The following LINGO2 variants were observed in gnomAD, a reference collection of about 807,000 sequenced individuals.
LINGO2 encodes leucine rich repeat and Ig domain containing 2, also known as leucine-rich repeat and immunoglobulin-like domain-containing nogo receptor-interacting protein 2.
A neutral mutation model predicts 30.6 loss-of-function variants in LINGO2; 14 were observed. The observed-to-expected ratio is 0.46, with a 90% CI of 0.30 to 0.72. The LOEUF (loss-of-function observed/expected upper bound fraction) is 0.72. Among genes scored for constraint, LINGO2 ranks in the 30% least tolerant of loss-of-function variants. The probability of loss-of-function intolerance (pLI) is 0.07; values close to 1 mark genes in which losing one functional copy is unlikely to be tolerated. For synonymous variants in LINGO2, 317 were observed against 288.5 expected, an observed-to-expected ratio of 1.10 and a Z score of -1.00; for missense variants, 729 against 751.7, an observed-to-expected ratio of 0.97 and a Z score of 0.35.
chr9:28,476,526 C>T (rs7874147), intron 1 of LINGO2, among the ~76,000 whole-genome samples: 4,636 of 152,218 alleles, frequency 0.03, 170 homozygotes, highest in East Asian at 0.097. Context: ...CCTCCCGCCG[C>T]GGCCTCCCAA....
chr9:29,153,351 T>C, the LINGO2 span, among the ~76,000 whole-genome samples: 3 of 152,160 alleles, frequency 2.0e-5, no homozygotes, highest in Admixed American at 2.0e-4. Flanking sequence ...AAAGGTAACA[T>C]GACTCATTCC....
At chr9:28,448,674 T>C (rs1016384951) in intron 2 of LINGO2, among the ~76,000 whole-genome samples, 3 of 151,784 alleles carry the variant, frequency 2.0e-5, no homozygotes, top group Non-Finnish European at 4.4e-5. Flanking sequence ...GCTATGGAAA[T>C]TGAAAAGAAA....
the LINGO2 span, among the ~76,000 whole-genome samples, chr9:29,060,055 G>C: frequency 3.9e-5 from 6 of 151,990 alleles, no homozygotes; most frequent in African/African-American, 7.2e-5. Flanking sequence ...ATTGTGGAGA[G>C]GAATCTAAAC....
the LINGO2 span, among the ~76,000 whole-genome samples, chr9:28,890,004 G>T: frequency 0.049 from 7,402 of 152,022 alleles, 247 homozygotes; most frequent in East Asian, 0.12. Context: ...CACACACAGG[G>T]TCTCTGTCCA....
chr9:28,848,070 A>G, the LINGO2 span, among the ~76,000 whole-genome samples: 2 of 27,988 alleles, frequency 7.1e-5, 1 homozygote, highest in African/African-American at 5.4e-4. Flanking sequence ...TATGTATATA[A>G]TATATATATA....
chr9:28,975,750 G>C, the LINGO2 span, among the ~76,000 whole-genome samples: 1 of 152,138 alleles, frequency 6.6e-6, no homozygotes, highest in African/African-American at 2.4e-5. Context: ...GGAAACTCTA[G>C]TGTCCTATGG....
chr9:28,871,983 G>A, the LINGO2 span, among the ~76,000 whole-genome samples: 1 of 151,904 alleles, frequency 6.6e-6, no homozygotes, highest in Non-Finnish European at 1.5e-5. Flanking sequence ...TTTTACTTGA[G>A]GGGAGTGTCA....
Position 28,315,143 on chromosome 9 carries a change from G to A in LINGO2, c.-245-19777C>T, listed in dbSNP as rs180763292. On this transcript the variant is annotated intron_variant, in intron 3 of 5. Coordinates refer to ENST00000379992, the Ensembl canonical transcript of LINGO2. ...GATGGATAAAAAAAGAGACACACTCGCCTGTAATCCCAGCACTCTGGGAAG... is the reference window on the plus strand; with the variant it reads ...GATGGATAAAAAAAGAGACACACTCACCTGTAATCCCAGCACTCTGGGAAG... 4.6e-3 allele frequency among the ~76,000 whole-genome samples: 690 copies of A among 150,428 alleles called. 3 individuals carry two copies. The highest frequency in any genetic ancestry group is 0.016 in the African/African-American group (649 of 39,904).
intron 4 of LINGO2, among the ~76,000 whole-genome samples, chr9:28,193,219 C>T (rs970850547): frequency 1.3e-5 from 2 of 151,924 alleles, no homozygotes; most frequent in Non-Finnish European, 2.9e-5. Flanking sequence ...TTGAATAGTC[C>T]CCTTCCTTCT....
At chr9:28,905,465 T>A in the LINGO2 span, among the ~76,000 whole-genome samples, 1 of 151,736 alleles carries the variant, frequency 6.6e-6, no homozygotes, top group Non-Finnish European at 1.5e-5. Context: ...AAAAATAATG[T>A]GACTAAAAAT....
At chr9:28,135,639 C>T (rs957373840) in intron 4 of LINGO2, among the ~76,000 whole-genome samples, 1 of 151,954 alleles carries the variant, frequency 6.6e-6, no homozygotes, top group African/African-American at 2.4e-5. Context: ...CTGTATTACT[C>T]CCACTCCTTT....
At chr9:28,276,320 TTTTC>T (rs1371949313) in intron 4 of LINGO2, among the ~76,000 whole-genome samples, 1 of 152,182 alleles carries the variant, frequency 6.6e-6, no homozygotes, top group Non-Finnish European at 1.5e-5. Flanking sequence ...ACACATATTT[TTTTC>T]TTTGTCTTCT....
At chr9:28,458,207 G>C (rs937152264) in intron 2 of LINGO2, among the ~76,000 whole-genome samples, 1 of 152,114 alleles carries the variant, frequency 6.6e-6, no homozygotes, top group Admixed American at 6.5e-5. Flanking sequence ...CAATTTGTCA[G>C]AAATCATTCT....
At chr9:28,760,916 G>A in the LINGO2 span, among the ~76,000 whole-genome samples, 6 of 51,422 alleles carry the variant, frequency 1.2e-4, no homozygotes, top group Admixed American at 4.2e-4. Flanking sequence ...ATATACGTAC[G>A]TGTGTGTGTG....
the LINGO2 span, among the ~76,000 whole-genome samples, chr9:28,928,635 G>C: frequency 6.6e-6 from 1 of 152,074 alleles, no homozygotes; most frequent in Non-Finnish European, 1.5e-5. Context: ...GTTTTGCTTT[G>C]GCCAGGACAT....
chr9:28,193,029 C>T (rs1031728201), intron 4 of LINGO2, among the ~76,000 whole-genome samples: 1 of 152,088 alleles, frequency 6.6e-6, no homozygotes, highest in Non-Finnish European at 1.5e-5. Context: ...GAATAGCTCA[C>T]ATTTGATGGT....
chr9:29,197,110 T>C, the LINGO2 span, among the ~76,000 whole-genome samples: 2 of 152,108 alleles, frequency 1.3e-5, no homozygotes, highest in Non-Finnish European at 2.9e-5. Context: ...AGTCCAATTC[T>C]GACATTAAGT....
At chr9:28,873,637 T>C in the LINGO2 span, among the ~76,000 whole-genome samples, 1,186 of 152,158 alleles carry the variant, frequency 7.8e-3, 12 homozygotes, top group Non-Finnish European at 9.2e-3. Flanking sequence ...TTTGTAACTA[T>C]AAAGCCCCCC....
chr9:28,609,995 C>G (rs1289587312), intron 1 of LINGO2, among the ~76,000 whole-genome samples: 1 of 151,906 alleles, frequency 6.6e-6, no homozygotes, highest in Non-Finnish European at 1.5e-5. Flanking sequence ...TGCAGAATAA[C>G]ATATTATTTT....
Sources: gnomAD v4.1 joint callset for allele counts (sites outside exome capture counted in the v4.1 genomes callset) on GRCh38, gnomAD v4.1.1 for gene constraint, MANE v1.5 for transcripts, NCBI Gene and HGNC (gene_info 2026-07-23, HGNC 2026-07-21) for gene names.